The following PARD3B variants were observed in gnomAD, a reference collection of about 807,000 sequenced individuals.
The protein encoded by PARD3B is partitioning defective 3 homolog B.
A neutral mutation model predicts 130.2 loss-of-function variants in PARD3B; 103 were observed. The observed-to-expected ratio is 0.79, with a 90% CI of 0.67 to 0.93. The LOEUF is 0.93. Among genes scored for constraint, PARD3B ranks in the 40% least tolerant of loss-of-function variants. The pLI is 0.00. For missense variants in PARD3B, 1,609 were observed against 1,499.2 expected, an observed-to-expected ratio of 1.07 and a Z score of -1.21; for synonymous variants, 583 against 553.2, an observed-to-expected ratio of 1.05 and a Z score of -0.76.
At chr2:204,960,822 G>T (rs1690684948) in intron 2 of PARD3B, among the ~76,000 whole-genome samples, 1 of 152,270 alleles carries the variant, frequency 6.6e-6, no homozygotes, top group African/African-American at 2.4e-5. Context: ...ATGCTGACAG[G>T]ATGATACACA....
At chr2:204,605,288 T>A (rs1352167228) in intron 1 of PARD3B, among the ~76,000 whole-genome samples, 1 of 152,200 alleles carries the variant, frequency 6.6e-6, no homozygotes, top group African/African-American at 2.4e-5. Flanking sequence ...CTTTAAACTC[T>A]CACACACTAA....
chr2:205,235,122 A>T (rs937866507), intron 15 of PARD3B, among the ~76,000 whole-genome samples: 1 of 149,842 alleles, frequency 6.7e-6, no homozygotes, highest in African/African-American at 2.5e-5. Context: ...GCTTTCACTT[A>T]AAAAAATGGT....
chr2:205,134,664 C>T (rs2032317937), intron 10 of PARD3B, among the ~76,000 whole-genome samples: 1 of 152,156 alleles, frequency 6.6e-6, no homozygotes, highest in Non-Finnish European at 1.5e-5. Context: ...CAATAGCCCA[C>T]AAGGCCAAGG....
chr2:204,743,473 G>A (rs2040091329), intron 2 of PARD3B, among the ~76,000 whole-genome samples: 1 of 152,068 alleles, frequency 6.6e-6, no homozygotes, highest in Non-Finnish European at 1.5e-5. Context: ...CCTGTTATAA[G>A]CCTGTACACT....
chr2:205,494,841 C>T (rs2049865604), intron 20 of PARD3B, among the ~76,000 whole-genome samples: 1 of 152,154 alleles, frequency 6.6e-6, no homozygotes, highest in Non-Finnish European at 1.5e-5. Flanking sequence ...TCCTTAACGT[C>T]TCTGAGCCTC....
At chr2:205,319,478 T>C (rs962865672) in intron 18 of PARD3B, among the ~76,000 whole-genome samples, 1 of 152,210 alleles carries the variant, frequency 6.6e-6, no homozygotes, top group African/African-American at 2.4e-5. Flanking sequence ...TTTAAAGTAT[T>C]TATCTGTCAT....
chr2:204,919,070 T>C (rs144660072), intron 2 of PARD3B, among the ~76,000 whole-genome samples: 10 of 152,306 alleles, frequency 6.6e-5, no homozygotes, highest in African/African-American at 2.4e-4. Context: ...ACACCTAGAT[T>C]TGGCAAATAA....
At chr2:205,384,915 A>C (rs1278875917) in intron 18 of PARD3B, among the ~76,000 whole-genome samples, 1 of 152,070 alleles carries the variant, frequency 6.6e-6, no homozygotes, top group Non-Finnish European at 1.5e-5. Flanking sequence ...TTTCTGGGAG[A>C]TCTTCCTTTG....
chr2:205,042,473 G>T lies in PARD3B; in HGVS notation c.395-5108G>T, dbSNP rs564565470. 2.0e-5 allele frequency among the ~76,000 whole-genome samples: 3 copies of T among 152,172 alleles called. No homozygotes were observed. The East Asian group carries it at 5.8e-4, about 29-fold the overall frequency. On this transcript the variant is annotated intron_variant, in intron 3 of 22. Coordinates refer to ENST00000406610, the MANE Select transcript of PARD3B (RefSeq NM_001302769.2). ...ATGTCAGTGGAGAATATTCTAGTGA[G>T]AATTATGCTTATCCTGATATGGCAA...
Position 204,553,632 on chromosome 2 carries a change from A to C in PARD3B, c.120+7513A>C, listed in dbSNP as rs61049689. On this transcript the variant is annotated intron_variant, in intron 1 of 22. Coordinates refer to ENST00000406610, the MANE Select transcript of PARD3B (RefSeq NM_001302769.2). ...TATATGGCTATATACATATATATGGATATATATTTATATATATCCATATAT... is the reference window on the plus strand; with the variant it reads ...TATATGGCTATATACATATATATGGCTATATATTTATATATATCCATATAT... 2.7e-3 allele frequency among the ~76,000 whole-genome samples: 338 copies of C among 124,960 alleles called. 2 individuals carry two copies. Among genetic ancestry groups the C allele is most frequent in the African/African-American group, 0.01 (308 of 30,498 alleles). The allele number at this position is 124,960 out of a possible 152,430, so 82.0% of individuals were successfully genotyped here.
chr2:204,794,828 T>C lies in PARD3B; in HGVS notation c.222+108546T>C, dbSNP rs369728538. 1.8e-3 allele frequency among the ~76,000 whole-genome samples: 277 copies of C among 152,296 alleles called. 1 individual carries two copies. Among genetic ancestry groups the C allele is most frequent in the Non-Finnish European group, 5.6e-4 (38 of 68,022 alleles). On this transcript the variant is annotated intron_variant, in intron 2 of 22. Transcript: ENST00000406610. ...GCTGAAAATATATTGCGACACTGAG[T>C]TCTATTATACATGTGGTTTCTTTCC...
At chr2:205,184,335 G>C (rs1041560944) in intron 13 of PARD3B, among the ~76,000 whole-genome samples, 1 of 152,080 alleles carries the variant, frequency 6.6e-6, no homozygotes, top group Non-Finnish European at 1.5e-5. Flanking sequence ...GGACAAATCA[G>C]GTACATATCT....
chr2:204,904,494 T>A (rs2046976651), intron 2 of PARD3B, among the ~76,000 whole-genome samples: 1 of 152,180 alleles, frequency 6.6e-6, no homozygotes, highest in African/African-American at 2.4e-5. Context: ...TTTGCATCCA[T>A]CGTCTACCCT....
rs1690543642 is a variant in PARD3B at position 204,959,303 on chromosome 2, T to TA, written c.223-5849_223-5848insA. ...TTCATCTACATCTCTGCAAAGGACA[T>TA]GAACTCATTCTTTTTTATGGCTGCA... On this transcript the variant is annotated intron_variant, in intron 2 of 22. Coordinates refer to ENST00000406610, the MANE Select transcript of PARD3B (RefSeq NM_001302769.2). Among the ~76,000 whole-genome samples, 5 of 152,326 alleles carry TA rather than the reference T, an allele frequency of 3.3e-5. No homozygotes were observed. The South Asian group carries it at 1.0e-3, about 32-fold the overall frequency.
At position 204,664,995 on chromosome 2, in the gene PARD3B, G is replaced by C. The variant is rs2035962697; in HGVS notation, c.121-21186G>C. ...TTAGCAAATCCGTTGCTCTCATGAA[G>C]ACTGTAGAGAAAATGTTTGTACTGA... On this transcript the variant is annotated intron_variant, in intron 1 of 22. Coordinates refer to ENST00000406610, the MANE Select transcript of PARD3B (RefSeq NM_001302769.2). The surrounding 1 kb of genome is among the most constrained non-coding windows in gnomAD (Gnocchi z 5.2). 6.6e-6 allele frequency among the ~76,000 whole-genome samples: 1 copy of C among 152,124 alleles called. No homozygotes were observed. The highest frequency in any genetic ancestry group is 2.4e-5 in the African/African-American group (1 of 41,436).
Position 204,656,361 on chromosome 2 carries a change from AAAACAAAC to A in PARD3B, c.121-29798_121-29791del, listed in dbSNP as rs3036351. Among the ~76,000 whole-genome samples the A allele has an allele frequency of 2.0e-4, 30 of 151,556 alleles. 1 individual carries two copies. The South Asian group carries it at 3.3e-3, about 17-fold the overall frequency. ...GATATATGGAAGGTTTACATGATAG[AAAACAAAC>A]AAACAAACAAACAAACAAACATGTA... On this transcript the variant is annotated intron_variant, in intron 1 of 22. Transcript: ENST00000406610.
At chr2:204,884,943 A>G (rs2125677915) in intron 2 of PARD3B, among the ~76,000 whole-genome samples, 1 of 152,186 alleles carries the variant, frequency 6.6e-6, no homozygotes, top group East Asian at 1.9e-4. Context: ...AAGCATACAA[A>G]TGCATGTGTC....
intron 20 of PARD3B, among the ~76,000 whole-genome samples, chr2:205,471,108 G>A (rs2048811593): frequency 6.6e-6 from 1 of 152,080 alleles, no homozygotes; most frequent in African/African-American, 2.4e-5. Flanking sequence ...CCATGTTGAA[G>A]TTTGTTGTCC....
At chr2:204,627,443 G>C (rs760014725) in intron 1 of PARD3B, among the ~76,000 whole-genome samples, 1 of 152,134 alleles carries the variant, frequency 6.6e-6, no homozygotes, top group Non-Finnish European at 1.5e-5. Flanking sequence ...TGAAAAAACT[G>C]TACAACTTAG....
Sources: allele counts gnomAD v4.1 joint callset (sites outside exome capture counted in the v4.1 genomes callset), GRCh38; gene constraint gnomAD v4.1.1; non-coding constraint Gnocchi (gnomAD v3.1); transcripts MANE v1.5; gene names NCBI Gene and HGNC (gene_info 2026-07-23, HGNC 2026-07-21).